Variants in NRG1 observed in about 807,000 individuals in gnomAD.
The protein encoded by NRG1 is pro-neuregulin-1, membrane-bound isoform.
A neutral mutation model predicts 63.8 loss-of-function variants in NRG1; 18 were observed. The ratio of observed to expected loss-of-function variants is 0.28; its 90% CI spans 0.19 to 0.42. The LOEUF is 0.42. NRG1 is among the 10% of genes least tolerant of loss of function. The pLI is 1.00. For missense variants in NRG1, 762 were observed against 814.7 expected, an observed-to-expected ratio of 0.94 and a Z score of 0.79; for synonymous variants, 302 against 301.3, an observed-to-expected ratio of 1.00 and a Z score of -0.02.
chr8:32,476,904 G>T (rs2129491993), intron 1 of NRG1, among the ~76,000 whole-genome samples: 1 of 152,250 alleles, frequency 6.6e-6, no homozygotes, highest in African/African-American at 2.4e-5. Flanking sequence ...AAAGCATTCA[G>T]ATCTATCTTT....
intron 4 of NRG1, 144 bp downstream of exon 4, chr8:32,614,708 TTCTG>T (rs1847018507): frequency 4.0e-6 from 3 of 749,872 alleles, no homozygotes; most frequent in African/African-American, 3.5e-5. Context: ...CTCAACCTTG[TTCTG>T]TCTTTTTGGA....
intron 1 of NRG1, among the ~76,000 whole-genome samples, chr8:32,515,081 C>T (rs563922103): frequency 2.6e-5 from 4 of 152,066 alleles, no homozygotes; most frequent in African/African-American, 7.2e-5. Context: ...GCAATGAACA[C>T]GTAAGTGTGT....
exon 12 of NRG1, chr8:32,764,605 G>T (rs1038080317): frequency 2.4e-5 from 11 of 455,852 alleles, no homozygotes; most frequent in Admixed American, 1.2e-4. Context: ...AAACGAGAAA[G>T]ATATCAATGG....
At chr8:32,149,012 A>G (rs181404763) in intron 1 of NRG1, among the ~76,000 whole-genome samples, 1 of 152,288 alleles carries the variant, frequency 6.6e-6, no homozygotes, top group East Asian at 1.9e-4. Context: ...CTTTGACAAG[A>G]TAAATATTTG....
chr8:32,422,279 C>A (rs1216082428), intron 1 of NRG1, among the ~76,000 whole-genome samples: 1 of 152,116 alleles, frequency 6.6e-6, no homozygotes, highest in Non-Finnish European at 1.5e-5. Flanking sequence ...TGTATATGAT[C>A]ATATTAAACA....
chr8:32,264,029 C>A (rs1483269305), intron 1 of NRG1, among the ~76,000 whole-genome samples: 8 of 152,148 alleles, frequency 5.3e-5, no homozygotes, highest in Non-Finnish European at 1.2e-4. Context: ...CAACAGCAAA[C>A]TTGCCTGCCT....
intron 1 of NRG1, among the ~76,000 whole-genome samples, chr8:32,247,103 GTT>G (rs139121954): frequency 4.9e-5 from 5 of 102,760 alleles, no homozygotes; most frequent in African/African-American, 1.6e-4. Context: ...TCAATTTACA[GTT>G]TTTTTTTAAA....
At chr8:32,630,620 G>A (rs1850096108) in intron 5 of NRG1, among the ~76,000 whole-genome samples, 1 of 152,020 alleles carries the variant, frequency 6.6e-6, no homozygotes, top group Non-Finnish European at 1.5e-5. Context: ...TGCAACCATA[G>A]CTTTTAGTTT....
intron 5 of NRG1, among the ~76,000 whole-genome samples, chr8:32,633,096 C>T (rs1488058582): frequency 6.6e-6 from 1 of 152,152 alleles, no homozygotes; most frequent in Admixed American, 6.5e-5. Context: ...GAAATTAACA[C>T]ATTTCCTTAA....
intron 1 of NRG1, among the ~76,000 whole-genome samples, chr8:31,775,571 G>A (rs1316640297): frequency 6.6e-6 from 1 of 152,122 alleles, no homozygotes; most frequent in Non-Finnish European, 1.5e-5. Context: ...AACTGTACTT[G>A]TACCTCTTAA....
At chr8:31,701,427 C>T (rs190275686) in intron 1 of NRG1, among the ~76,000 whole-genome samples, 40 of 152,288 alleles carry the variant, frequency 2.6e-4, no homozygotes, top group Admixed American at 2.3e-3. Flanking sequence ...TATGAACATA[C>T]ATATTCCGAA....
intron 1 of NRG1, among the ~76,000 whole-genome samples, chr8:31,885,831 C>G (rs1248850074): frequency 6.6e-6 from 1 of 152,066 alleles, no homozygotes; most frequent in Non-Finnish European, 1.5e-5. Context: ...CAGTACACCA[C>G]TGTATTACTC....
intron 1 of NRG1, among the ~76,000 whole-genome samples, chr8:32,445,403 T>C (rs2129487707): frequency 6.6e-6 from 1 of 152,330 alleles, no homozygotes; most frequent in East Asian, 1.9e-4. Flanking sequence ...CAAGAGTGGC[T>C]GGTGGTAAGC....
intron 1 of NRG1, among the ~76,000 whole-genome samples, chr8:32,225,826 T>C (rs1443473652): frequency 1.3e-5 from 2 of 152,180 alleles, no homozygotes; most frequent in Admixed American, 6.6e-5. Context: ...GAGTGTGTTA[T>C]TAAAATGATT....
At chr8:31,756,938 A>G (rs1331557631) in intron 1 of NRG1, among the ~76,000 whole-genome samples, 4 of 152,164 alleles carry the variant, frequency 2.6e-5, no homozygotes, top group Non-Finnish European at 5.9e-5. Flanking sequence ...GGGTCAGGGT[A>G]TTAGCAATAC....
At chr8:32,071,510 C>G (rs1173688311) in intron 1 of NRG1, among the ~76,000 whole-genome samples, 1 of 152,166 alleles carries the variant, frequency 6.6e-6, no homozygotes, top group Non-Finnish European at 1.5e-5. Context: ...TTGGTAGATT[C>G]TGTAGATTAA....
chr8:32,341,508 G>A (rs530676156), intron 1 of NRG1, among the ~76,000 whole-genome samples: 41 of 152,288 alleles, frequency 2.7e-4, no homozygotes, highest in African/African-American at 9.1e-4. Context: ...TCTGAGTCAG[G>A]TTTGAGGTTC....
intron 1 of NRG1, among the ~76,000 whole-genome samples, chr8:32,120,527 A>G (rs1833302642): frequency 6.6e-6 from 1 of 152,072 alleles, no homozygotes; most frequent in Non-Finnish European, 1.5e-5. Context: ...CATATGGAGC[A>G]CTTTTAGTCA....
intron 1 of NRG1, among the ~76,000 whole-genome samples, chr8:32,398,648 T>C (rs1363854680): frequency 6.6e-6 from 1 of 152,100 alleles, no homozygotes; most frequent in African/African-American, 2.4e-5. Flanking sequence ...TGACCTCAGA[T>C]GGTCCACCCA....
Sources: allele counts gnomAD v4.1 joint callset (sites outside exome capture counted in the v4.1 genomes callset), GRCh38; gene constraint gnomAD v4.1.1; transcripts MANE v1.5; gene names NCBI Gene and HGNC (gene_info 2026-07-23, HGNC 2026-07-21).